GLP1R: variants seen among roughly 807,000 people sequenced by gnomAD.
The protein encoded by GLP1R is glucagon like peptide 1 receptor, also known as glucagon-like peptide 1 receptor.
GLP1R carries 32 observed loss-of-function variants against 68.4 expected under a neutral mutation model. The observed-to-expected ratio is 0.47, with a 90% CI of 0.35 to 0.63. GLP1R has a LOEUF of 0.63. GLP1R is among the 20% of genes least tolerant of loss of function. GLP1R has a pLI of 0.00. For synonymous variants in GLP1R, 263 were observed against 244.4 expected, an observed-to-expected ratio of 1.08 and a Z score of -0.71; for missense variants, 502 against 594.9, an observed-to-expected ratio of 0.84 and a Z score of 1.62.
At chr6:39,067,862 A>T (rs1263938068) in intron 5 of GLP1R, among the ~76,000 whole-genome samples, 2 of 152,264 alleles carry the variant, frequency 1.3e-5, no homozygotes, top group African/African-American at 4.8e-5. Context: ...CTGTGAACTT[A>T]TGAAATCACT....
chr6:39,057,286 A>G (rs1272672394), intron 2 of GLP1R, among the ~76,000 whole-genome samples, 186 bp from the exon 3 acceptor site: 1 of 152,220 alleles, frequency 6.6e-6, no homozygotes, highest in Non-Finnish European at 1.5e-5. Flanking sequence ...AGGTCCTGCC[A>G]CTGATAAGTG....
chr6:39,082,514 C>G (rs1187114053), intron 12 of GLP1R, among the ~76,000 whole-genome samples: 2 of 152,136 alleles, frequency 1.3e-5, no homozygotes, highest in Admixed American at 1.3e-4. Context: ...CTTAGAGGAC[C>G]CAGCGGCTCC....
At chr6:39,068,984 C>G (rs1263168292) in intron 5 of GLP1R, among the ~76,000 whole-genome samples, 2 of 152,216 alleles carry the variant, frequency 1.3e-5, no homozygotes, top group Admixed American at 6.5e-5. Flanking sequence ...TGAAAATTTT[C>G]CAAATCTTTA....
chr6:39,081,389 G>T (rs1221467196), intron 12 of GLP1R, among the ~76,000 whole-genome samples: 1 of 152,234 alleles, frequency 6.6e-6, no homozygotes, highest in Non-Finnish European at 1.5e-5. Flanking sequence ...CTGGCTCACT[G>T]TGGGGAAGGG....
intron 7 of GLP1R, among the ~76,000 whole-genome samples, chr6:39,075,228 C>T (rs901238765): frequency 6.6e-6 from 1 of 152,254 alleles, no homozygotes; most frequent in Non-Finnish European, 1.5e-5. Context: ...GCCTCCTCCA[C>T]TCCCAGAACC....
Position 39,059,759 on chromosome 6 carries a change from G to A in GLP1R, c.283+2180G>A, listed in dbSNP as rs749997913. Among the ~76,000 whole-genome samples, 4 of 152,176 alleles carry A rather than the reference G, an allele frequency of 2.6e-5. No homozygotes were observed. In the South Asian group the frequency reaches 6.2e-4, roughly 24 times the overall value. On this transcript the variant is annotated intron_variant, in intron 3 of 12. Transcript: ENST00000373256. Reference sequence around the variant, plus strand: ...ATTTGAGACTGGCAGCTTGGCCAGCGTCTGCTGGGCCTCTAGACCCCAGGG... The same window carrying A: ...ATTTGAGACTGGCAGCTTGGCCAGCATCTGCTGGGCCTCTAGACCCCAGGG...
rs536469636 is a variant in GLP1R, at chr6:39,091,297, T to C, written c.*5224T>C. Among the ~76,000 whole-genome samples the C allele has an allele frequency of 5.3e-5, 8 of 152,374 alleles. No homozygotes were observed. In the South Asian group the frequency reaches 1.7e-3, roughly 32 times the overall value. Reference sequence around the variant, plus strand: ...TGTAAGCCAAATAAAAGTCTGTCTCTACTGTCTCTCTTGCTCTTCCTTTGC... The same window carrying C: ...TGTAAGCCAAATAAAAGTCTGTCTCCACTGTCTCTCTTGCTCTTCCTTTGC... On this transcript the variant is annotated 3_prime_UTR_variant, in exon 13 of 13. Coordinates refer to ENST00000373256, the MANE Select transcript of GLP1R (RefSeq NM_002062.5).
chr6:39,081,175 C>A (rs1282795167), intron 12 of GLP1R, among the ~76,000 whole-genome samples: 3 of 152,050 alleles, frequency 2.0e-5, no homozygotes, highest in African/African-American at 4.8e-5. Flanking sequence ...ATTTCATATT[C>A]CCATTTTTTA....
intron 7 of GLP1R, chr6:39,074,461 C>G (rs1041094303): frequency 2.6e-5 from 4 of 152,138 alleles, no homozygotes; most frequent in Non-Finnish European, 4.4e-5. Flanking sequence ...ATCCCCTTCA[C>G]CCCTGGGAAA....
In GLP1R at chr6:39,090,401, G is replaced by A. The variant is rs569206001; in HGVS notation, c.*4328G>A. On this transcript the variant is annotated 3_prime_UTR_variant, in exon 13 of 13. Coordinates refer to ENST00000373256, the MANE Select transcript of GLP1R (RefSeq NM_002062.5). ...ATTTTAGCCTATTTTCCAGGACCTT[G>A]TCTAGCAGTGGCTCCATTTTTCCCC... is the stretch of plus-strand genomic sequence containing the variant. Among the ~76,000 whole-genome samples, 1 of 152,224 alleles carries A rather than the reference G, an allele frequency of 6.6e-6. No individual in the cohort carries two copies. The highest frequency in any genetic ancestry group is 6.5e-5 in the Admixed American group (1 of 15,294).
intron 12 of GLP1R, among the ~76,000 whole-genome samples, chr6:39,084,169 C>T (rs558918339): frequency 2.4e-4 from 36 of 152,062 alleles, no homozygotes; most frequent in Non-Finnish European, 4.3e-4. Flanking sequence ...CCTGGCTGAG[C>T]GACCTGAGGA....
intron 5 of GLP1R, among the ~76,000 whole-genome samples, chr6:39,069,653 G>A (rs1768608293): frequency 1.4e-5 from 2 of 147,224 alleles, no homozygotes. Flanking sequence ...AAAAAAAAAA[G>A]ACTGAAATTT....
chr6:39,066,009 C>T (rs1034128805), intron 4 of GLP1R, among the ~76,000 whole-genome samples, 180 bp downstream of exon 4: 1 of 152,290 alleles, frequency 6.6e-6, no homozygotes, highest in Admixed American at 6.5e-5. Flanking sequence ...ACCTCTCTGG[C>T]CTTGGAACAG....
intron 3 of GLP1R, among the ~76,000 whole-genome samples, chr6:39,063,961 A>C (rs113538511): frequency 0.011 from 1,177 of 104,886 alleles, 12 homozygotes; most frequent in African/African-American, 0.033. Context: ...ACACACACAC[A>C]CCCCACATTA....
intron 3 of GLP1R, among the ~76,000 whole-genome samples, chr6:39,065,322 T>C (rs1161567419): frequency 6.6e-6 from 1 of 152,168 alleles, no homozygotes; most frequent in Non-Finnish European, 1.5e-5. Flanking sequence ...CTGCTGCTGG[T>C]CGGTGCCAGA....
At chr6:39,071,443 C>T (rs1375139007) in intron 5 of GLP1R, among the ~76,000 whole-genome samples, 3 of 151,306 alleles carry the variant, frequency 2.0e-5, no homozygotes, top group Admixed American at 6.6e-5. Flanking sequence ...CTGTAAGTTT[C>T]AGAGTTTTGC....
intron 1 of GLP1R, among the ~76,000 whole-genome samples, chr6:39,051,229 C>T (rs116623469): frequency 0.036 from 5,421 of 152,266 alleles, 148 homozygotes; most frequent in Non-Finnish European, 0.06. Context: ...ATCCCCAATA[C>T]ATGTCCTTAT....
intron 5 of GLP1R, among the ~76,000 whole-genome samples, chr6:39,068,292 C>G (rs556551973): frequency 2.6e-5 from 4 of 152,214 alleles, no homozygotes; most frequent in Admixed American, 2.0e-4. Context: ...CCAAGTCTCC[C>G]CGAAGCCCCA....
chr6:39,078,420 TC>T lies in GLP1R; in HGVS notation c.884+42del, dbSNP rs199845456. The T allele has an allele frequency of 1.0e-2, 14,123 of 1,413,172 alleles. 111 individuals carry two copies. Among genetic ancestry groups the T allele is most frequent in the Non-Finnish European group, 0.011 (11,438 of 996,656 alleles). The allele number at this position is 1,413,172 out of a possible 1,614,324, so 87.5% of individuals were successfully genotyped here. ...CTCCAAGGGGGCGGGTGTGCCCAGG[TC>T]CCCATCCTCAAGGTCCATGGGATTC... On this transcript the variant is annotated intron_variant, in intron 8 of 12. Transcript: ENST00000373256.
Sources: gnomAD v4.1 joint callset for allele counts (sites outside exome capture counted in the v4.1 genomes callset) on GRCh38, gnomAD v4.1.1 for gene constraint, MANE v1.5 for transcripts, NCBI Gene and HGNC (gene_info 2026-07-23, HGNC 2026-07-21) for gene names.